Variants in PRKCH observed in about 807,000 individuals in gnomAD.
The protein encoded by PRKCH is protein kinase C eta, also known as protein kinase C eta type.
In PRKCH, 28 loss-of-function variants were observed where a neutral mutation model predicts 82.5. The observed-to-expected ratio is 0.34, with a 90% confidence interval of 0.25 to 0.47. The LOEUF (loss-of-function observed/expected upper bound fraction) is 0.47, where lower values mean the gene tolerates loss of function less well. Ranked by LOEUF, PRKCH falls within the 20% of genes least tolerant of loss-of-function variation. PRKCH has a pLI of 1.00. For missense variants in PRKCH, 705 were observed against 881.8 expected (o/e 0.80, Z 2.54); for synonymous variants, 322 against 327.4 (o/e 0.98, Z 0.18).
chr14:61,454,666 T>G (rs1884677412), intron 7 of PRKCH, among the ~76,000 whole-genome samples: 1 of 152,242 alleles, frequency 6.6e-6, no homozygotes, highest in South Asian at 2.1e-4. Context: ...AGTCTCTCCC[T>G]CTGGACTCTC....
intron 12 of PRKCH, chr14:61,544,395 A>C (rs989184693): frequency 6.6e-6 from 1 of 152,234 alleles, no homozygotes; most frequent in African/African-American, 2.4e-5. Context: ...TTTGAGAAGT[A>C]ATTAAAATTA....
intron 10 of PRKCH, among the ~76,000 whole-genome samples, chr14:61,516,278 AG>A (rs1202548818): frequency 3.3e-5 from 5 of 152,156 alleles, no homozygotes; most frequent in Non-Finnish European, 1.5e-5. Context: ...TATTGGGTCA[AG>A]ATTAGTCCAG....
chr14:61,308,123 A>C (rs2045496091), intron 1 of PRKCH, among the ~76,000 whole-genome samples: 1 of 152,224 alleles, frequency 6.6e-6, no homozygotes, highest in Admixed American at 6.5e-5. Flanking sequence ...TACAGGCATG[A>C]GCCACTGTGT....
chr14:61,191,366 T>G (rs1044372652), intron 1 of PRKCH, among the ~76,000 whole-genome samples: 1 of 152,212 alleles, frequency 6.6e-6, no homozygotes, highest in Admixed American at 6.5e-5. Flanking sequence ...AAAATAAATG[T>G]TTGGCTTCTG....
At chr14:61,375,629 C>T (rs2046419243) in intron 1 of PRKCH, among the ~76,000 whole-genome samples, 1 of 151,812 alleles carries the variant, frequency 6.6e-6, no homozygotes, top group Admixed American at 6.6e-5. Context: ...GGGGGAAGTG[C>T]CACACACTTT....
Position 61,210,778 on chromosome 14 carries a change from CTCTCTCTCTCTCTG to C in PRKCH, c.-19+23112_-19+23125del, listed in dbSNP as rs1436139636. 2.4e-4 allele frequency among the ~76,000 whole-genome samples: 28 copies of C among 118,162 alleles called. No individual in the cohort carries two copies. The South Asian group carries it at 2.9e-3, about 12-fold the overall frequency. 77.5% of individuals were successfully genotyped at this position (118,162 alleles called of 152,430 possible). A position where few individuals can be genotyped will look rare whatever the true frequency, so the allele number is the denominator to read the frequency against. On this transcript the variant is annotated intron_variant, in intron 1 of 3. Coordinates refer to the PRKCH transcript ENST00000555185. ...TTTCTCTCTCTCTCTCTCTCTCTCT[CTCTCTCTCTCTCTG>C]TGTGTGTGTGTGTGTGTGTGTGCGT...
intron 9 of PRKCH, among the ~76,000 whole-genome samples, chr14:61,480,808 C>T (rs1271872697): frequency 6.6e-6 from 1 of 152,142 alleles, no homozygotes; most frequent in East Asian, 1.9e-4. Context: ...ACAGTTACAG[C>T]GAAGCCTCAC....
At chr14:61,213,281 C>T (rs2044595635) in intron 1 of PRKCH, among the ~76,000 whole-genome samples, 1 of 152,176 alleles carries the variant, frequency 6.6e-6, no homozygotes, top group African/African-American at 2.4e-5. Flanking sequence ...AAGGAAGAGT[C>T]TTGGTTTTTG....
At chr14:61,308,346 G>A (rs914152966) in intron 1 of PRKCH, among the ~76,000 whole-genome samples, 11 of 152,126 alleles carry the variant, frequency 7.2e-5, no homozygotes, top group African/African-American at 2.2e-4. Flanking sequence ...CCTAACTAAT[G>A]TTAACAAGCA....
intron 12 of PRKCH, among the ~76,000 whole-genome samples, chr14:61,542,370 G>C (rs2043199188): frequency 6.8e-6 from 1 of 148,018 alleles, no homozygotes; most frequent in South Asian, 2.1e-4. Context: ...TTTCTGTCAG[G>C]AAAAAAAAAA....
At chr14:61,530,283 T>C in intron 11 of PRKCH, 124 bp from the exon 12 acceptor site, 7 of 1,070,328 alleles carry the variant, frequency 6.5e-6, no homozygotes, top group Non-Finnish European at 9.1e-6. Flanking sequence ...ATACGCTTGC[T>C]AGCACAGGAG....
chr14:61,275,020 A>G (rs2045189734), intron 1 of PRKCH, among the ~76,000 whole-genome samples: 1 of 152,176 alleles, frequency 6.6e-6, no homozygotes. Context: ...AAAAGAATAG[A>G]AGCTGTTTTA....
intron 1 of PRKCH, among the ~76,000 whole-genome samples, chr14:61,242,552 C>G (rs953326258): frequency 1.3e-5 from 2 of 152,150 alleles, no homozygotes; most frequent in Non-Finnish European, 2.9e-5. Flanking sequence ...CGTCTGCCAC[C>G]AGCCCAGCTA....
chr14:61,204,778 A>AG (rs2044509645), intron 1 of PRKCH, among the ~76,000 whole-genome samples: 1 of 150,776 alleles, frequency 6.6e-6, no homozygotes, highest in African/African-American at 2.5e-5. Context: ...AAAAAAAAAA[A>AG]GAAAAGAAAT....
chr14:61,375,700 G>T (rs2140178924), intron 1 of PRKCH, among the ~76,000 whole-genome samples: 1 of 152,104 alleles, frequency 6.6e-6, no homozygotes, highest in African/African-American at 2.4e-5. Context: ...GGGGAAGTCT[G>T]CCTCCATGAT....
Position 61,430,245 on chromosome 14 carries a change from A to T in PRKCH, c.428-12866A>T, listed in dbSNP as rs933061231. Among the ~76,000 whole-genome samples the T allele has an allele frequency of 2.0e-5, 3 of 152,256 alleles. No individual in the cohort carries two copies. The East Asian group carries it at 5.8e-4, about 29-fold the overall frequency. On this transcript the variant is annotated intron_variant, in intron 2 of 13. Coordinates refer to ENST00000332981, the MANE Select transcript of PRKCH (RefSeq NM_006255.5). The stretch of plus-strand genomic sequence containing the variant: ...CTCAGCAATTTTAGGCTTTAGGGAT[A>T]TGCAAATTAAGACCACAATGAGATA...
At chr14:61,231,955 G>T (rs2044748282) in intron 1 of PRKCH, among the ~76,000 whole-genome samples, 1 of 152,164 alleles carries the variant, frequency 6.6e-6, no homozygotes, top group Non-Finnish European at 1.5e-5. Context: ...GACGCCAGCT[G>T]GATGTCCTCT....
chr14:61,334,936 A>G (rs1389537429), intron 1 of PRKCH, among the ~76,000 whole-genome samples: 2 of 152,066 alleles, frequency 1.3e-5, no homozygotes, highest in Admixed American at 1.3e-4. Context: ...TCCTGGGCTC[A>G]GGTTATCTTG....
At chr14:61,311,475 C>T (rs915666189) in intron 1 of PRKCH, among the ~76,000 whole-genome samples, 1 of 152,216 alleles carries the variant, frequency 6.6e-6, no homozygotes, top group African/African-American at 2.4e-5. Context: ...TCCAACCATT[C>T]AACAAGTCTC....
Sources: allele counts gnomAD v4.1 joint callset (sites outside exome capture counted in the v4.1 genomes callset), GRCh38; gene constraint gnomAD v4.1.1; transcripts MANE v1.5; gene names NCBI Gene and HGNC (gene_info 2026-07-23, HGNC 2026-07-21).